GALNTL6: variants seen among roughly 807,000 people sequenced by gnomAD.
The protein encoded by GALNTL6 is polypeptide N-acetylgalactosaminyltransferase-like 6.
GALNTL6 carries 46 observed loss-of-function variants against 73.7 expected under a neutral mutation model. The ratio of observed to expected loss-of-function variants is 0.62; its 90% CI spans 0.49 to 0.80. The LOEUF (loss-of-function observed/expected upper bound fraction) is 0.80, where lower values mean the gene tolerates loss of function less well. GALNTL6 is among the 30% of genes least tolerant of loss of function. GALNTL6 has a pLI of 0.00. For synonymous variants in GALNTL6, 259 were observed against 263.7 expected, an observed-to-expected ratio of 0.98 and a Z score of 0.17; for missense variants, 604 against 755.0, an observed-to-expected ratio of 0.80 and a Z score of 2.34.
At chr4:172,009,393 T>C (rs1428186042) in intron 2 of GALNTL6, among the ~76,000 whole-genome samples, 1 of 152,080 alleles carries the variant, frequency 6.6e-6, no homozygotes, top group African/African-American at 2.4e-5. Flanking sequence ...TGGAATACAA[T>C]TTAGGTAATG....
intron 5 of GALNTL6, among the ~76,000 whole-genome samples, chr4:172,733,800 A>T (rs756387668): frequency 3.3e-5 from 5 of 152,202 alleles, no homozygotes; most frequent in Non-Finnish European, 5.9e-5. Context: ...ACCCAGTCCC[A>T]GGTATGTATT....
chr4:173,036,172 T>C (rs558160652), intron 12 of GALNTL6, among the ~76,000 whole-genome samples: 8 of 152,220 alleles, frequency 5.3e-5, no homozygotes, highest in Non-Finnish European at 8.8e-5. Flanking sequence ...ACTTTCCCCA[T>C]GACTGTTGTC....
intron 5 of GALNTL6, among the ~76,000 whole-genome samples, chr4:172,384,602 C>A (rs973795219): frequency 2.0e-5 from 3 of 151,140 alleles, no homozygotes; most frequent in African/African-American, 7.3e-5. Context: ...TAATTTCTAC[C>A]CTTAATACTA....
intron 2 of GALNTL6, among the ~76,000 whole-genome samples, chr4:172,085,268 A>C (rs576914992): frequency 3.9e-5 from 6 of 152,294 alleles, no homozygotes; most frequent in African/African-American, 1.2e-4. Flanking sequence ...AGAAATGTAT[A>C]AATTGGTTAC....
chr4:171,872,061 A>G (rs1736150878), intron 2 of GALNTL6, among the ~76,000 whole-genome samples: 1 of 140,590 alleles, frequency 7.1e-6, no homozygotes, highest in East Asian at 2.2e-4. Flanking sequence ...GTATGTTTAG[A>G]TGCTTTTTTT....
intron 9 of GALNTL6, among the ~76,000 whole-genome samples, chr4:172,935,863 C>A (rs1361403719): frequency 6.6e-6 from 1 of 152,174 alleles, no homozygotes; most frequent in Admixed American, 6.5e-5. Flanking sequence ...CAAAGAGGAG[C>A]TAATACCATT....
At chr4:172,210,385 A>G (rs1168435477) in intron 2 of GALNTL6, among the ~76,000 whole-genome samples, 1 of 152,130 alleles carries the variant, frequency 6.6e-6, no homozygotes, top group East Asian at 1.9e-4. Flanking sequence ...ACTCTGGGAT[A>G]CCACATTATA....
At chr4:172,208,748 G>A (rs1055279330) in intron 2 of GALNTL6, among the ~76,000 whole-genome samples, 2 of 152,056 alleles carry the variant, frequency 1.3e-5, no homozygotes, top group Admixed American at 6.6e-5. Context: ...GCATTTTCCT[G>A]GTTTGGTCAA....
chr4:173,038,809 G>A (rs1295417227), intron 12 of GALNTL6, among the ~76,000 whole-genome samples: 1 of 152,138 alleles, frequency 6.6e-6, no homozygotes, highest in Non-Finnish European at 1.5e-5. Context: ...ACCCAGAAAT[G>A]TTTACAAAGG....
At chr4:172,723,158 G>C (rs979186514) in intron 5 of GALNTL6, among the ~76,000 whole-genome samples, 1 of 152,076 alleles carries the variant, frequency 6.6e-6, no homozygotes. Context: ...AAGGATCTGC[G>C]TGGTTAGGTT....
intron 7 of GALNTL6, among the ~76,000 whole-genome samples, chr4:172,833,702 G>A (rs1168920473): frequency 1.3e-5 from 2 of 152,182 alleles, no homozygotes; most frequent in East Asian, 3.8e-4. Context: ...TGCAATAAGA[G>A]AATATTATTA....
chr4:172,717,528 A>G (rs1440049864), intron 5 of GALNTL6, among the ~76,000 whole-genome samples: 4 of 152,234 alleles, frequency 2.6e-5, no homozygotes, highest in Admixed American at 6.6e-5. Context: ...GGCTGAAAAG[A>G]AAGCGGGGAA....
intron 10 of GALNTL6, among the ~76,000 whole-genome samples, chr4:172,979,937 TCTC>T (rs1277240976): frequency 1.3e-5 from 2 of 152,226 alleles, no homozygotes; most frequent in African/African-American, 4.8e-5. Context: ...AGTTGTTATC[TCTC>T]CTAAGACAAT....
At chr4:172,257,773 C>T (rs1024706823) in intron 3 of GALNTL6, among the ~76,000 whole-genome samples, 5 of 151,374 alleles carry the variant, frequency 3.3e-5, no homozygotes, top group Middle Eastern at 6.8e-3. Context: ...TATAACCTAG[C>T]TGGAAGCTTT....
At chr4:172,170,210 A>G (rs1303906332) in intron 2 of GALNTL6, among the ~76,000 whole-genome samples, 2 of 152,142 alleles carry the variant, frequency 1.3e-5, no homozygotes, top group Non-Finnish European at 2.9e-5. Context: ...GAATTGTAAT[A>G]ATCCCCACGT....
chr4:172,398,703 T>C (rs899557923), intron 5 of GALNTL6, among the ~76,000 whole-genome samples: 1 of 152,210 alleles, frequency 6.6e-6, no homozygotes, highest in Non-Finnish European at 1.5e-5. Context: ...AACTATAATA[T>C]ATCAACTCTA....
chr4:171,849,211 C>T (rs932661503), intron 2 of GALNTL6, among the ~76,000 whole-genome samples: 1 of 152,102 alleles, frequency 6.6e-6, no homozygotes, highest in African/African-American at 2.4e-5. Flanking sequence ...ACTTAGAAGC[C>T]GTTGCAGGGT....
At chr4:171,965,411 C>T (rs542588664) in intron 2 of GALNTL6, among the ~76,000 whole-genome samples, 33 of 152,098 alleles carry the variant, frequency 2.2e-4, no homozygotes, top group African/African-American at 7.7e-4. Context: ...AATCCCAGCA[C>T]TTTGGGAAAC....
intron 5 of GALNTL6, among the ~76,000 whole-genome samples, chr4:172,700,307 A>T (rs997641208): frequency 1.3e-5 from 2 of 152,172 alleles, no homozygotes; most frequent in African/African-American, 4.8e-5. Context: ...GGACATTTCT[A>T]GATCTCAACA....
Sources: gnomAD v4.1 joint callset for allele counts (sites outside exome capture counted in the v4.1 genomes callset) on GRCh38, gnomAD v4.1.1 for gene constraint, MANE v1.5 for transcripts, NCBI Gene and HGNC (gene_info 2026-07-23, HGNC 2026-07-21) for gene names.